DSCAML1: variants seen among roughly 807,000 people sequenced by gnomAD.
The protein encoded by DSCAML1 is DS cell adhesion molecule like 1.
In DSCAML1, 38 loss-of-function variants were observed where a neutral mutation model predicts 200.5. The ratio of observed to expected loss-of-function variants is 0.19; its 90% CI spans 0.15 to 0.25. The LOEUF (loss-of-function observed/expected upper bound fraction) is 0.25. DSCAML1 is among the 10% of genes least tolerant of loss of function. The pLI, the probability that DSCAML1 is intolerant of heterozygous loss-of-function variation, is 1.00. For missense variants in DSCAML1, 2,223 were observed against 2,858.8 expected, an observed-to-expected ratio of 0.78 and a Z score of 5.07; for synonymous variants, 1,215 against 1,165.0, an observed-to-expected ratio of 1.04 and a Z score of -0.87.
rs562610018 is a variant in DSCAML1, at chr11:117,780,141, A to G, written c.364+352T>C. On this transcript the variant is annotated intron_variant, in intron 2 of 32. Coordinates refer to ENST00000651296, the MANE Select transcript of DSCAML1 (RefSeq NM_020693.4). This position sits in a 1 kb window ranked among gnomAD's most constrained non-coding sequence, Gnocchi z 4.8. ...GGCTCTGTCTCAAAAAGCAAAAAGA[A>G]AGAGAGAGAGAGAGAGAGAAAGAAA... is the stretch of plus-strand genomic sequence containing the variant. Among the ~76,000 whole-genome samples the G allele has an allele frequency of 1.1e-4, 16 of 147,438 alleles. No homozygotes were observed. In the East Asian group the frequency reaches 2.4e-3, roughly 22 times the overall value.
At chr11:117,784,537 G>A (rs973070963) in intron 1 of DSCAML1, among the ~76,000 whole-genome samples, 4 of 152,188 alleles carry the variant, frequency 2.6e-5, no homozygotes, top group African/African-American at 9.7e-5. Flanking sequence ...AGAAGGGGGA[G>A]TAGTAGGAGC....
intron 11 of DSCAML1, among the ~76,000 whole-genome samples, chr11:117,490,439 T>C (rs2049161614): frequency 6.6e-6 from 1 of 151,950 alleles, no homozygotes; most frequent in Non-Finnish European, 1.5e-5. Flanking sequence ...GGAGGTAGAG[T>C]TCTAGGGGTC....
intron 32 of DSCAML1, among the ~76,000 whole-genome samples, chr11:117,429,420 T>C (rs1044733192): frequency 1.3e-5 from 2 of 152,234 alleles, no homozygotes; most frequent in Admixed American, 6.5e-5. Flanking sequence ...TTCTTTTTTT[T>C]TGAGACGGAG....
chr11:117,793,959 T>C (rs2055524040), intron 1 of DSCAML1, among the ~76,000 whole-genome samples: 1 of 152,110 alleles, frequency 6.6e-6, no homozygotes, highest in African/African-American at 2.4e-5. Flanking sequence ...CTCCCCAGTA[T>C]TCACTGGCCC....
At chr11:117,471,844 A>G in intron 15 of DSCAML1, 25 bp downstream of exon 15, 1 of 1,475,862 alleles carries the variant, frequency 6.8e-7, no homozygotes, top group African/African-American at 1.7e-5. Context: ...GGCCATGGGC[A>G]GGGCAGGCTG....
intron 21 of DSCAML1, among the ~76,000 whole-genome samples, chr11:117,442,012 A>G (rs901210301): frequency 2.1e-5 from 3 of 140,384 alleles, no homozygotes; most frequent in African/African-American, 8.5e-5. Flanking sequence ...GTGTATGTGC[A>G]TCTGCATGTG....
At chr11:117,524,239 G>T (rs1170472458) in intron 5 of DSCAML1, among the ~76,000 whole-genome samples, 3 of 152,224 alleles carry the variant, frequency 2.0e-5, no homozygotes, top group East Asian at 3.8e-4. Flanking sequence ...GAAGGAACCA[G>T]GGTTGACATC....
intron 3 of DSCAML1, among the ~76,000 whole-genome samples, chr11:117,651,857 C>T (rs1208174075): frequency 1.3e-5 from 2 of 152,104 alleles, no homozygotes; most frequent in African/African-American, 2.4e-5. Flanking sequence ...GATGTCTCCC[C>T]GAGCCTCTGC....
intron 19 of DSCAML1, among the ~76,000 whole-genome samples, chr11:117,458,462 G>A (rs2048416689): frequency 6.6e-6 from 1 of 152,198 alleles, no homozygotes; most frequent in African/African-American, 2.4e-5. Context: ...GCCACAGAAA[G>A]AATGCCCATG....
chr11:117,543,812 G>GTTTGT (rs2050318664), intron 3 of DSCAML1, among the ~76,000 whole-genome samples: 2 of 138,692 alleles, frequency 1.4e-5, no homozygotes, highest in Admixed American at 1.5e-4. Flanking sequence ...TTTTTTTTTT[G>GTTTGT]TTTGTTTTGT....
chr11:117,562,484 G>A (rs1016961546), intron 3 of DSCAML1, among the ~76,000 whole-genome samples: 3 of 152,194 alleles, frequency 2.0e-5, no homozygotes, highest in Admixed American at 6.5e-5. Flanking sequence ...CGCATCAGAT[G>A]TGTTTAACCC....
In DSCAML1 at chr11:117,551,616, G is replaced by C. The variant is rs868535468; in HGVS notation, c.512-19094C>G. On this transcript the variant is annotated intron_variant, in intron 3 of 32. Transcript: ENST00000651296. ...TTTGTCATCCTTCTGCCACCTGAGT[G>C]CCATGTTTAGACCTGCCTCCTTGGC... 2.6e-5 allele frequency among the ~76,000 whole-genome samples: 4 copies of C among 152,300 alleles called. No individual in the cohort carries two copies. The South Asian group carries it at 8.3e-4, about 32-fold the overall frequency.
intron 8 of DSCAML1, among the ~76,000 whole-genome samples, chr11:117,515,993 C>T (rs891860287): frequency 1.3e-5 from 2 of 152,136 alleles, no homozygotes; most frequent in Non-Finnish European, 2.9e-5. Context: ...AGGGTGTTCC[C>T]AGTCCTGTAG....
intron 14 of DSCAML1, among the ~76,000 whole-genome samples, chr11:117,475,631 T>C (rs1417637185): frequency 6.6e-6 from 1 of 152,222 alleles, no homozygotes; most frequent in African/African-American, 2.4e-5. Flanking sequence ...AAATGTGCTG[T>C]TGATTTTAAA....
At chr11:117,773,007 C>T (rs932052289) in intron 3 of DSCAML1, among the ~76,000 whole-genome samples, 2 of 152,326 alleles carry the variant, frequency 1.3e-5, no homozygotes, top group Admixed American at 1.3e-4. Flanking sequence ...TTTCTCCAGA[C>T]TCTCCCTGCC....
At chr11:117,785,745 AAAGAAAGGAGACTCACATTTTGCAGCACC>A (rs753259146) in intron 1 of DSCAML1, among the ~76,000 whole-genome samples, 9 of 152,174 alleles carry the variant, frequency 5.9e-5, no homozygotes, top group Non-Finnish European at 1.2e-4. Context: ...GGAGTCCCCA[AAAGAAAGGAGACTCACATTTTGCAGCACC>A]TTCTTGTGCC....
At chr11:117,702,159 G>T (rs963333153) in intron 3 of DSCAML1, among the ~76,000 whole-genome samples, 1 of 152,140 alleles carries the variant, frequency 6.6e-6, no homozygotes, top group African/African-American at 2.4e-5. Context: ...TCTCTCAAAT[G>T]CAAATAGGAT....
chr11:117,572,856 G>T (rs1209073405), intron 3 of DSCAML1, among the ~76,000 whole-genome samples: 3 of 152,138 alleles, frequency 2.0e-5, no homozygotes, highest in Non-Finnish European at 4.4e-5. Flanking sequence ...ACCTCACAAG[G>T]CCAGAGAGCC....
At chr11:117,803,411 T>C (rs1205219597) in intron 1 of DSCAML1, among the ~76,000 whole-genome samples, 1 of 152,232 alleles carries the variant, frequency 6.6e-6, no homozygotes, top group Non-Finnish European at 1.5e-5. Flanking sequence ...ACAAATATTA[T>C]GTTATCTGTC....
Sources: gnomAD v4.1 joint callset for allele counts (sites outside exome capture counted in the v4.1 genomes callset) on GRCh38, gnomAD v4.1.1 for gene constraint, Gnocchi (gnomAD v3.1) non-coding constraint, MANE v1.5 for transcripts, NCBI Gene and HGNC (gene_info 2026-07-23, HGNC 2026-07-21) for gene names.